Variants in RMND1 observed in about 807,000 individuals in gnomAD.
RMND1 encodes required for meiotic nuclear division 1 homolog.
In RMND1, 41 loss-of-function variants were observed where a neutral mutation model predicts 54.0. The ratio of observed to expected loss-of-function variants is 0.76; its 90% CI spans 0.59 to 0.98. The LOEUF (loss-of-function observed/expected upper bound fraction) is 0.98. RMND1 is among the 50% of genes least tolerant of loss of function. The pLI is 0.00. For missense variants in RMND1, 457 were observed against 532.0 expected (o/e 0.86, Z 1.39); for synonymous variants, 183 against 181.7 (o/e 1.01, Z -0.06).
chr6:151,439,842 T>A (rs1401150742), intron 2 of RMND1, among the ~76,000 whole-genome samples: 1 of 152,108 alleles, frequency 6.6e-6, no homozygotes, highest in Non-Finnish European at 1.5e-5. Flanking sequence ...GTATTTTTAG[T>A]AGAGACGGGG....
At chr6:151,425,677 T>C (rs1271723114) in intron 6 of RMND1, among the ~76,000 whole-genome samples, 1 of 152,214 alleles carries the variant, frequency 6.6e-6, no homozygotes, top group Non-Finnish European at 1.5e-5. Flanking sequence ...TACCTCTGAC[T>C]GCAGCCACCA....
At chr6:151,412,080 AC>A (rs1779856332) in intron 10 of RMND1, among the ~76,000 whole-genome samples, 1 of 151,908 alleles carries the variant, frequency 6.6e-6, no homozygotes, top group Admixed American at 6.6e-5. Context: ...GCTCACTGCA[AC>A]CTCTGCCCCC....
intron 3 of RMND1, among the ~76,000 whole-genome samples, chr6:151,434,995 C>G: frequency 6.6e-6 from 1 of 151,902 alleles, no homozygotes; most frequent in Middle Eastern, 3.2e-3. Context: ...ATTACAGGCA[C>G]GTACCACCAC....
intron 1 of RMND1, among the ~76,000 whole-genome samples, chr6:151,451,786 T>G (rs779695266): frequency 7.2e-5 from 11 of 152,166 alleles, no homozygotes; most frequent in Non-Finnish European, 1.5e-4. Flanking sequence ...AAACTCAAAA[T>G]TATTTTATCG....
intron 4 of RMND1, 120 bp from the exon 5 acceptor site, chr6:151,430,297 G>T (rs1780416526): frequency 1.6e-6 from 1 of 641,650 alleles, no homozygotes; most frequent in South Asian, 2.1e-5. Context: ...AAATATGATG[G>T]TACTTACTAA....
At chr6:151,410,794 G>T (rs567519235) in intron 10 of RMND1, among the ~76,000 whole-genome samples, 6 of 152,064 alleles carry the variant, frequency 3.9e-5, no homozygotes, top group African/African-American at 1.4e-4. Flanking sequence ...TTGTGTATTT[G>T]CAGTATAACG....
chr6:151,440,227 T>TA (rs1348313817), intron 2 of RMND1, among the ~76,000 whole-genome samples: 1 of 152,204 alleles, frequency 6.6e-6, no homozygotes, highest in Non-Finnish European at 1.5e-5. Flanking sequence ...GTGCTGGGAT[T>TA]ACAGGCGTGA....
intron 10 of RMND1, chr6:151,408,806 C>G (rs1779713879): frequency 6.6e-6 from 1 of 152,184 alleles, no homozygotes; most frequent in Non-Finnish European, 1.5e-5. Flanking sequence ...ATATGGGTGG[C>G]CTCCAGTCAC....
intron 10 of RMND1, chr6:151,411,657 C>T (rs899877583): frequency 1.3e-5 from 2 of 152,152 alleles, no homozygotes; most frequent in Non-Finnish European, 2.9e-5. Context: ...ATCTTGAATA[C>T]TGAGGATGGA....
intron 1 of RMND1, among the ~76,000 whole-genome samples, chr6:151,451,198 T>TAAAAAAAAA (rs58457871): frequency 2.6e-5 from 3 of 113,390 alleles, no homozygotes; most frequent in African/African-American, 6.1e-5. Flanking sequence ...GAATGATCAA[T>TAAAAAAAAA]AAAAAAAAAA....
chr6:151,414,937 G>A (rs1779956953), intron 10 of RMND1, among the ~76,000 whole-genome samples: 1 of 151,982 alleles, frequency 6.6e-6, no homozygotes, highest in Admixed American at 6.6e-5. Flanking sequence ...CCTATTTCTA[G>A]GAAAATATCC....
chr6:151,407,282 C>G (rs1047554607), intron 10 of RMND1, among the ~76,000 whole-genome samples: 1 of 151,868 alleles, frequency 6.6e-6, no homozygotes, highest in Non-Finnish European at 1.5e-5. Context: ...GTAGAGCATG[C>G]CTCTTCCCTC....
intron 10 of RMND1, chr6:151,411,579 A>T (rs924265523): frequency 6.6e-6 from 1 of 152,166 alleles, no homozygotes; most frequent in African/African-American, 2.4e-5. Flanking sequence ...ACAGCTGACC[A>T]CTTAGTTGTC....
chr6:151,450,030 C>T (rs954246554), intron 1 of RMND1, among the ~76,000 whole-genome samples: 25 of 152,170 alleles, frequency 1.6e-4, no homozygotes, highest in Non-Finnish European at 3.1e-4. Flanking sequence ...CTGCCTTGGC[C>T]TCCCAAAGTG....
intron 9 of RMND1, 46 bp downstream of exon 9, chr6:151,421,199 G>A (rs1562788637): frequency 7.5e-7 from 1 of 1,341,552 alleles, no homozygotes; most frequent in Admixed American, 1.9e-5. Context: ...GTTTTCTTGA[G>A]ATTGTTAAAT....
At chr6:151,431,606 C>T (rs1175397124) in intron 4 of RMND1, among the ~76,000 whole-genome samples, 1 of 151,994 alleles carries the variant, frequency 6.6e-6, no homozygotes, top group East Asian at 1.9e-4. Context: ...CTGTGCTGTG[C>T]AATGTGGTAC....
chr6:151,412,340 T>A (rs1245931441), intron 10 of RMND1, among the ~76,000 whole-genome samples: 1 of 151,310 alleles, frequency 6.6e-6, no homozygotes, highest in Non-Finnish European at 1.5e-5. Flanking sequence ...TTTAAAGAGA[T>A]GGGCGGGGGT....
chr6:151,434,344 C>G (rs1780537908), intron 3 of RMND1, among the ~76,000 whole-genome samples: 1 of 151,306 alleles, frequency 6.6e-6, no homozygotes, highest in African/African-American at 2.4e-5. Flanking sequence ...TTAGGATCCT[C>G]AAAGCTTCAG....
intron 6 of RMND1, among the ~76,000 whole-genome samples, chr6:151,426,296 G>T (rs967672514): frequency 1.3e-5 from 2 of 152,076 alleles, no homozygotes; most frequent in African/African-American, 4.8e-5. Context: ...CACTAGACAG[G>T]TAACTCCATG....
Sources: allele counts gnomAD v4.1 joint callset (sites outside exome capture counted in the v4.1 genomes callset), GRCh38; gene constraint gnomAD v4.1.1; transcripts MANE v1.5; gene names NCBI Gene and HGNC (gene_info 2026-07-23, HGNC 2026-07-21).